MEIS1: variants seen among roughly 807,000 people sequenced by gnomAD.
The protein encoded by MEIS1 is homeobox protein Meis1.
A neutral mutation model predicts 50.8 loss-of-function variants in MEIS1; 5 were observed. That is an observed-to-expected ratio of 0.10 (90% CI 0.05 to 0.21). MEIS1 has a LOEUF of 0.21. MEIS1 is among the 10% of genes least tolerant of loss of function. The probability of loss-of-function intolerance (pLI) is 1.00; values close to 1 mark genes in which losing one functional copy is unlikely to be tolerated. For missense variants in MEIS1, 318 were observed against 517.3 expected, an observed-to-expected ratio of 0.61 and a Z score of 3.74; for synonymous variants, 176 against 179.3, an observed-to-expected ratio of 0.98 and a Z score of 0.15.
intron 6 of MEIS1, among the ~76,000 whole-genome samples, chr2:66,459,212 G>T (rs1292174756): frequency 2.0e-5 from 3 of 152,126 alleles, no homozygotes; most frequent in African/African-American, 7.2e-5. Context: ...CTGGGGTCAG[G>T]CAGGGCAGAG....
rs1458505316 is a variant in MEIS1 at position 66,439,895 on chromosome 2, A to T, written c.292A>T (p.Thr98Ser). The T allele has an allele frequency of 1.2e-6, 2 of 1,613,712 alleles. No individual in the cohort carries two copies. The highest frequency in any genetic ancestry group is 1.7e-6 in the Non-Finnish European group (2 of 1,179,840). ...GATTTTTGAGAAATGTGAATTAGCTACTTGTACCCCCCGCGAGCCGGGGGT... is the reference window on the plus strand; with the variant it reads ...GATTTTTGAGAAATGTGAATTAGCTTCTTGTACCCCCCGCGAGCCGGGGGT... ...ALIFEKCELA[T>S]CTPREPGVAG... The change falls in exon 3 of 13, where the codon ACT becomes TCT. Residue 98 changes from threonine (T) to serine (S), a missense_variant. Coordinates refer to ENST00000272369, the MANE Select transcript of MEIS1 (RefSeq NM_002398.3).
At chr2:66,569,173 A>T in intron 12 of MEIS1, 28 bp downstream of exon 12, 1 of 1,571,698 alleles carries the variant, frequency 6.4e-7, no homozygotes, top group Non-Finnish European at 8.7e-7. Context: ...CTTTGTTTTC[A>T]CTTTGTCCTA....
chr2:66,453,714 CCTATTAATAATTATTAG>C (rs1177331592), intron 6 of MEIS1, among the ~76,000 whole-genome samples: 4 of 151,686 alleles, frequency 2.6e-5, no homozygotes, highest in African/African-American at 9.7e-5. Context: ...TAGAAGATAC[CCTATTAATAATTATTAG>C]TGGAAATCAG....
At chr2:66,534,751 T>C (rs1295432897) in intron 8 of MEIS1, among the ~76,000 whole-genome samples, 1 of 152,102 alleles carries the variant, frequency 6.6e-6, no homozygotes, top group Non-Finnish European at 1.5e-5. Flanking sequence ...ACAAGTGGAA[T>C]GGCAAAGAAA....
intron 7 of MEIS1, among the ~76,000 whole-genome samples, chr2:66,475,993 C>G (rs932383738): frequency 1.3e-5 from 2 of 152,164 alleles, no homozygotes; most frequent in African/African-American, 4.8e-5. Context: ...CTGTCTCCTT[C>G]TTCTGACCAT....
intron 6 of MEIS1, among the ~76,000 whole-genome samples, chr2:66,447,984 G>A (rs1672192218): frequency 6.6e-6 from 1 of 152,124 alleles, no homozygotes. Flanking sequence ...CATGGCAGTA[G>A]GTCATTCAAA....
intron 8 of MEIS1, among the ~76,000 whole-genome samples, chr2:66,521,358 A>G (rs1176915916): frequency 9.8e-6 from 1 of 102,030 alleles, no homozygotes; most frequent in Non-Finnish European, 2.1e-5. Context: ...AGCTCCTTGA[A>G]GATTTTTTTT....
At chr2:66,524,797 C>T (rs1350745383) in intron 8 of MEIS1, among the ~76,000 whole-genome samples, 1 of 152,036 alleles carries the variant, frequency 6.6e-6, no homozygotes, top group African/African-American at 2.4e-5. Context: ...ACAATGAACA[C>T]ATCTGGAGTT....
At position 66,483,380 on chromosome 2, in the gene MEIS1, G is replaced by A. The variant is rs551496353; in HGVS notation, c.742+19160G>A. 3.9e-5 allele frequency among the ~76,000 whole-genome samples: 6 copies of A among 152,156 alleles called. No individual in the cohort carries two copies. In the South Asian group the frequency reaches 1.0e-3, roughly 26 times the overall value. ...TGAGCCACCGCGCCCGGCTGGACTG[G>A]TGTCCATTTCTAAATGTGAGTGATG... On this transcript the variant is annotated intron_variant, in intron 7 of 12. Transcript: ENST00000272369.
At chr2:66,481,128 GC>G (rs1390842479) in intron 7 of MEIS1, among the ~76,000 whole-genome samples, 2 of 152,190 alleles carry the variant, frequency 1.3e-5, no homozygotes, top group East Asian at 1.9e-4. Context: ...CAGCAGGAGG[GC>G]ACCCAGGACA....
intron 9 of MEIS1, among the ~76,000 whole-genome samples, chr2:66,550,023 T>C (rs755102610): frequency 1.3e-5 from 2 of 152,190 alleles, no homozygotes; most frequent in South Asian, 2.1e-4. Context: ...AATTCGACTT[T>C]CTCAGTTTTG....
chr2:66,502,025 A>G (rs542536466), intron 7 of MEIS1, among the ~76,000 whole-genome samples: 3 of 152,376 alleles, frequency 2.0e-5, no homozygotes, highest in Admixed American at 2.0e-4. Flanking sequence ...TATTTATAGT[A>G]AAGAAGTTAT....
At chr2:66,512,463 C>T (rs1402166596) in intron 8 of MEIS1, among the ~76,000 whole-genome samples, 169 bp downstream of exon 8, 5 of 152,104 alleles carry the variant, frequency 3.3e-5, no homozygotes, top group Non-Finnish European at 7.4e-5. Flanking sequence ...ATAGATACCC[C>T]AAATGAGAAA....
chr2:66,549,869 G>A (rs565899138), intron 9 of MEIS1, among the ~76,000 whole-genome samples: 116 of 152,196 alleles, frequency 7.6e-4, no homozygotes, highest in African/African-American at 2.6e-3. Flanking sequence ...ATGGGTGGAC[G>A]GCCTTATTAT....
In MEIS1 at chr2:66,464,189, G is replaced by A. The variant is rs531796684; in HGVS notation, c.711G>A (p.Thr237=). 34 of 1,603,230 alleles carry A rather than the reference G, an allele frequency of 2.1e-5. No individual in the cohort carries two copies. The East Asian group carries it at 2.9e-4, about 14-fold the overall frequency. ...CAGGCCCTTCCAGCGGTGGCCACAC[G>A]TCACACAGTGGGGACAACAGCAGTG... The part of the protein sequence containing the change: ...GTPGPSSGGH[T]SHSGDNSSEQ... The change falls in exon 7 of 13, where the codon ACG becomes ACA. Residue 237 remains threonine, a synonymous_variant. Coordinates refer to ENST00000272369, the MANE Select transcript of MEIS1 (RefSeq NM_002398.3).
intron 7 of MEIS1, among the ~76,000 whole-genome samples, chr2:66,480,996 T>C (rs1428363162): frequency 6.6e-6 from 1 of 151,618 alleles, no homozygotes; most frequent in East Asian, 1.9e-4. Context: ...CTAGAATCTC[T>C]GTTAAAAAAA....
chr2:66,499,391 T>C (rs1673493128), intron 7 of MEIS1, among the ~76,000 whole-genome samples: 1 of 152,064 alleles, frequency 6.6e-6, no homozygotes, highest in South Asian at 2.1e-4. Flanking sequence ...ACCCTTGGCA[T>C]TTCCTCTCCC....
At chr2:66,443,093 T>C in intron 6 of MEIS1, 45 bp downstream of exon 6, 2 of 1,543,296 alleles carry the variant, frequency 1.3e-6, no homozygotes, top group Non-Finnish European at 1.7e-6. Flanking sequence ...AAAAAAAATC[T>C]GTATGCATAT....
intron 9 of MEIS1, among the ~76,000 whole-genome samples, chr2:66,550,955 T>A (rs990372435): frequency 2.0e-5 from 3 of 152,240 alleles, no homozygotes; most frequent in Non-Finnish European, 4.4e-5. Context: ...ATCTGTGTCT[T>A]CCTTCTTGGA....
Sources: gnomAD v4.1 joint callset for allele counts (sites outside exome capture counted in the v4.1 genomes callset) on GRCh38, gnomAD v4.1.1 for gene constraint, MANE v1.5 for transcripts, NCBI Gene and HGNC (gene_info 2026-07-23, HGNC 2026-07-21) for gene names.